The following PPIP5K2 variants were observed in gnomAD, a reference collection of about 807,000 sequenced individuals.
The protein encoded by PPIP5K2 is diphosphoinositol pentakisphosphate kinase 2.
In PPIP5K2, 105 loss-of-function variants were observed where a neutral mutation model predicts 154.6. The ratio of observed to expected loss-of-function variants is 0.68; its 90% CI spans 0.58 to 0.80. The LOEUF (loss-of-function observed/expected upper bound fraction) is 0.80. Ranked by LOEUF, PPIP5K2 falls within the 30% of genes least tolerant of loss-of-function variation. The pLI is 0.00. For missense variants in PPIP5K2, 992 were observed against 1,504.6 expected, an observed-to-expected ratio of 0.66 and a Z score of 5.64; for synonymous variants, 480 against 490.3, an observed-to-expected ratio of 0.98 and a Z score of 0.28.
intron 30 of PPIP5K2, among the ~76,000 whole-genome samples, chr5:103,196,022 A>T (rs1243797829): frequency 6.6e-6 from 1 of 152,178 alleles, no homozygotes; most frequent in Non-Finnish European, 1.5e-5. Flanking sequence ...GTCAGAAATG[A>T]TTGCAATCTT....
At chr5:103,149,524 A>G (rs2149554011) in intron 8 of PPIP5K2, among the ~76,000 whole-genome samples, 1 of 152,298 alleles carries the variant, frequency 6.6e-6, no homozygotes, top group South Asian at 2.1e-4. Flanking sequence ...TTATTCAGAA[A>G]TTAAAAATAA....
intron 14 of PPIP5K2, among the ~76,000 whole-genome samples, chr5:103,157,732 T>C (rs1318907900): frequency 6.6e-6 from 1 of 151,898 alleles, no homozygotes; most frequent in Non-Finnish European, 1.5e-5. Flanking sequence ...TATATATATC[T>C]TCTTCACTTC....
rs112566418 is a variant in PPIP5K2, at chr5:103,136,343, G to C, written c.311-389G>C. Reference sequence around the variant, plus strand: ...TGTGTGTAGGCATCAAAATATCTAAGTGAAAAGAAGAGATGTTGAATACAT... The same window carrying C: ...TGTGTGTAGGCATCAAAATATCTAACTGAAAAGAAGAGATGTTGAATACAT... On this transcript the variant is annotated intron_variant, in intron 3 of 30. Transcript: ENST00000358359. Among the ~76,000 whole-genome samples, 878 of 152,252 alleles carry C rather than the reference G, an allele frequency of 5.8e-3. 6 individuals carry two copies. The highest frequency in any genetic ancestry group is 0.02 in the African/African-American group (841 of 41,542).
intron 2 of PPIP5K2, among the ~76,000 whole-genome samples, chr5:103,130,257 A>G (rs1472292528): frequency 1.6e-4 from 24 of 152,126 alleles, no homozygotes; most frequent in Non-Finnish European, 3.4e-4. Flanking sequence ...ATCATGTTCT[A>G]TCCATACTGG....
intron 2 of PPIP5K2, among the ~76,000 whole-genome samples, chr5:103,132,582 C>T (rs1790817161): frequency 6.6e-6 from 1 of 151,946 alleles, no homozygotes; most frequent in African/African-American, 2.4e-5. Context: ...TGATGTTATC[C>T]AATTTTATTT....
At chr5:103,149,702 CTTT>C (rs548259015) in intron 8 of PPIP5K2, among the ~76,000 whole-genome samples, 1 of 140,238 alleles carries the variant, frequency 7.1e-6, no homozygotes. Flanking sequence ...AAAAACATTT[CTTT>C]TTTTTTTTTT....
chr5:103,180,745 G>A (rs1256941327), intron 24 of PPIP5K2, among the ~76,000 whole-genome samples: 4 of 151,514 alleles, frequency 2.6e-5, no homozygotes, highest in Admixed American at 2.6e-4. Context: ...AGCTACTCAG[G>A]AGGCTGAGGC....
In PPIP5K2 at chr5:103,149,329, G is replaced by A. The variant is rs782427867; in HGVS notation, c.906+16G>A. 3.7e-6 allele frequency: 6 copies of A among 1,600,012 alleles called. No individual in the cohort carries two copies. The highest frequency in any genetic ancestry group is 2.7e-5 in the African/African-American group (2 of 74,210). ...TGCTTTTAAGGTAAGATGTTATACA[G>A]GCCTATAGATCCTTATAAAGGTAAA... is the stretch of plus-strand genomic sequence containing the variant. On this transcript the variant is annotated intron_variant, in intron 8 of 30. Coordinates refer to ENST00000358359, the MANE Select transcript of PPIP5K2 (RefSeq NM_001276277.3).
chr5:103,156,158 G>C (rs1795379660), intron 14 of PPIP5K2, among the ~76,000 whole-genome samples, 164 bp downstream of exon 14: 1 of 152,054 alleles, frequency 6.6e-6, no homozygotes, highest in African/African-American at 2.4e-5. Flanking sequence ...TTAAATAAAG[G>C]ATACAATTTT....
chr5:103,162,552 T>C (rs1249834592), intron 17 of PPIP5K2, among the ~76,000 whole-genome samples: 1 of 151,772 alleles, frequency 6.6e-6, no homozygotes, highest in Admixed American at 6.6e-5. Context: ...TTGTAGAGAC[T>C]GGGTCTCACT....
At chr5:103,184,450 C>T in intron 25 of PPIP5K2, 1 of 409,722 alleles carries the variant, frequency 2.4e-6, no homozygotes, top group Non-Finnish European at 4.4e-6. Flanking sequence ...CATGATGTTT[C>T]ATTCTGAATG....
intron 6 of PPIP5K2, among the ~76,000 whole-genome samples, chr5:103,147,305 A>C (rs946686516): frequency 3.8e-4 from 57 of 151,982 alleles, no homozygotes; most frequent in African/African-American, 1.3e-3. Flanking sequence ...ACATCCATTA[A>C]AGTAGCAGAT....
chr5:103,169,057 T>C (rs114593212), intron 19 of PPIP5K2, among the ~76,000 whole-genome samples: 19 of 151,992 alleles, frequency 1.3e-4, no homozygotes, highest in African/African-American at 4.3e-4. Context: ...TCAAGATATA[T>C]GTAGTTGTTC....
At chr5:103,167,770 A>C (rs1554218363) in intron 18 of PPIP5K2, among the ~76,000 whole-genome samples, 1 of 151,940 alleles carries the variant, frequency 6.6e-6, no homozygotes, top group East Asian at 1.9e-4. Flanking sequence ...TGTGAGTCTA[A>C]TAAGAATAAC....
chr5:103,139,392 C>G (rs754923802), intron 5 of PPIP5K2, among the ~76,000 whole-genome samples: 1 of 152,124 alleles, frequency 6.6e-6, no homozygotes, highest in Non-Finnish European at 1.5e-5. Context: ...TTCATAAGAA[C>G]CAAAAAATTA....
intron 24 of PPIP5K2, among the ~76,000 whole-genome samples, chr5:103,180,943 T>C (rs1024311610): frequency 2.0e-5 from 3 of 151,616 alleles, no homozygotes; most frequent in Non-Finnish European, 4.4e-5. Flanking sequence ...AAATTCTAAA[T>C]TGTTAGCCTA....
At chr5:103,132,357 C>T (rs532949456) in intron 2 of PPIP5K2, among the ~76,000 whole-genome samples, 41 of 152,026 alleles carry the variant, frequency 2.7e-4, no homozygotes, top group African/African-American at 8.7e-4. Context: ...CTGGCTAACA[C>T]GATGAAACCC....
rs1803478835 is a variant in PPIP5K2, at chr5:103,205,681, G to GAAA, written c.*4047_*4048insAAA. The GAAA allele has an allele frequency of 6.6e-6, 1 of 152,020 alleles. No homozygotes were observed. 9.4% of individuals were successfully genotyped at this position (152,020 alleles called of 1,614,324 possible). ...GTCAATTTCTCCTTTTATTATCAAT[G>GAAA]GTTTTTACTTTACTTTTTATATAGT... On this transcript the variant is annotated 3_prime_UTR_variant, in exon 31 of 31. Coordinates refer to ENST00000358359, the MANE Select transcript of PPIP5K2 (RefSeq NM_001276277.3).
intron 2 of PPIP5K2, among the ~76,000 whole-genome samples, chr5:103,131,415 T>A (rs182288150): frequency 1.3e-5 from 2 of 152,300 alleles, no homozygotes; most frequent in Admixed American, 1.3e-4. Flanking sequence ...AGTCTGTATA[T>A]GTTCAGTACA....
Sources: allele counts gnomAD v4.1 joint callset (sites outside exome capture counted in the v4.1 genomes callset), GRCh38; gene constraint gnomAD v4.1.1; transcripts MANE v1.5; gene names NCBI Gene and HGNC (gene_info 2026-07-23, HGNC 2026-07-21).